The following NEDD9 variants were observed in gnomAD, a reference collection of about 807,000 sequenced individuals.
NEDD9 encodes the protein neural precursor cell expressed, developmentally down-regulated 9, also known as enhancer of filamentation 1.
A neutral mutation model predicts 76.6 loss-of-function variants in NEDD9; 26 were observed. That is an observed-to-expected ratio of 0.34 (90% CI 0.25 to 0.47). The LOEUF is 0.47. NEDD9 is among the 20% of genes least tolerant of loss of function. The pLI is 1.00. For synonymous variants in NEDD9, 392 were observed against 414.2 expected (o/e 0.95, Z 0.65); for missense variants, 937 against 1,058.5 (o/e 0.89, Z 1.59).
intron 3 of NEDD9, among the ~76,000 whole-genome samples, chr6:11,280,724 G>A (rs576770152): frequency 9.8e-5 from 15 of 152,374 alleles, no homozygotes; most frequent in African/African-American, 3.6e-4. Context: ...CCTGTTGGGG[G>A]CCCCACGCTT....
intron 1 of NEDD9, among the ~76,000 whole-genome samples, chr6:11,216,486 G>T (rs532301255): frequency 6.6e-6 from 1 of 152,200 alleles, no homozygotes; most frequent in Non-Finnish European, 1.5e-5. Flanking sequence ...GATGGAAAGA[G>T]AATTGCGTTC....
At chr6:11,327,333 T>A (rs1186689611) in intron 2 of NEDD9, among the ~76,000 whole-genome samples, 2 of 152,230 alleles carry the variant, frequency 1.3e-5, no homozygotes, top group African/African-American at 4.8e-5. Flanking sequence ...GAGTGCAAGT[T>A]CTGTCAATCA....
At chr6:11,336,667 C>T (rs1169458588) in intron 1 of NEDD9, among the ~76,000 whole-genome samples, 1 of 152,206 alleles carries the variant, frequency 6.6e-6, no homozygotes, top group Non-Finnish European at 1.5e-5. Flanking sequence ...TACATTTAGG[C>T]TACACTACAT....
chr6:11,336,123 C>T (rs750251442), intron 1 of NEDD9, among the ~76,000 whole-genome samples: 1 of 152,326 alleles, frequency 6.6e-6, no homozygotes, highest in Admixed American at 6.5e-5. Flanking sequence ...ACAGTCATCT[C>T]TTATGACACT....
chr6:11,329,136 G>A (rs1761985005), intron 2 of NEDD9, among the ~76,000 whole-genome samples: 1 of 152,204 alleles, frequency 6.6e-6, no homozygotes, highest in Non-Finnish European at 1.5e-5. Context: ...CCTCAAGAGG[G>A]CCCTAAGACA....
chr6:11,332,096 A>G (rs1205064612), intron 2 of NEDD9, among the ~76,000 whole-genome samples: 1 of 152,262 alleles, frequency 6.6e-6, no homozygotes. Context: ...TTAGAAAAAA[A>G]TGTTGGTAAC....
At chr6:11,189,922 A>C (rs781110111) in intron 5 of NEDD9, 42 bp downstream of exon 5, 1 of 1,502,248 alleles carries the variant, frequency 6.7e-7, no homozygotes, top group East Asian at 2.3e-5. Flanking sequence ...GGCTCCCTGC[A>C]TGTGAGTGAG....
chr6:11,281,072 T>C, intron 3 of NEDD9, among the ~76,000 whole-genome samples: 1 of 152,258 alleles, frequency 6.6e-6, no homozygotes, highest in East Asian at 1.9e-4. Flanking sequence ...GGCTGAGAGA[T>C]AATGAATATT....
chr6:11,203,526 G>A (rs558677218), intron 2 of NEDD9, among the ~76,000 whole-genome samples: 8 of 152,236 alleles, frequency 5.3e-5, no homozygotes, highest in East Asian at 1.9e-4. Context: ...TGGCTGATGG[G>A]GCAAACCACT....
intron 3 of NEDD9, among the ~76,000 whole-genome samples, chr6:11,273,917 C>T (rs1384194014): frequency 6.6e-6 from 1 of 152,180 alleles, no homozygotes; most frequent in Non-Finnish European, 1.5e-5. Flanking sequence ...TTTCCCAAGT[C>T]GAGCAAAGAA....
Position 11,294,629 on chromosome 6 carries a change from A to C in NEDD9, c.12+11363T>G, listed in dbSNP as rs144220218. ...CTTTATAAATTACCCAGTCTTAGGT[A>C]GTTCTTTATAGCAATGTAAGAACGA... On this transcript the variant is annotated intron_variant, in intron 3 of 3. Transcript: ENST00000397378. 2.3e-3 allele frequency among the ~76,000 whole-genome samples: 357 copies of C among 152,316 alleles called. 1 individual carries two copies. Among genetic ancestry groups the C allele is most frequent in the Non-Finnish European group, 4.3e-3 (290 of 68,024 alleles).
intron 1 of NEDD9, among the ~76,000 whole-genome samples, chr6:11,216,046 T>C (rs9468656): frequency 0.85 from 128,939 of 152,090 alleles, 54,666 homozygotes; most frequent in South Asian, 0.89. Context: ...GGTGAGCAGC[T>C]GGCTAATGTT....
intron 2 of NEDD9, among the ~76,000 whole-genome samples, chr6:11,319,705 C>G (rs201943071): frequency 0.015 from 2,278 of 149,132 alleles, 27 homozygotes; most frequent in East Asian, 0.033. Context: ...CACAAACATG[C>G]ACACACAAAC....
chr6:11,356,960 T>G (rs1200230564), intron 1 of NEDD9, among the ~76,000 whole-genome samples: 1 of 152,162 alleles, frequency 6.6e-6, no homozygotes, highest in Non-Finnish European at 1.5e-5. Flanking sequence ...TTTCCTGCTC[T>G]CAGCTTTAGA....
intron 2 of NEDD9, among the ~76,000 whole-genome samples, chr6:11,313,064 G>T (rs1306200589): frequency 6.6e-6 from 1 of 152,162 alleles, no homozygotes; most frequent in Non-Finnish European, 1.5e-5. Context: ...TTTGTGAAGT[G>T]GATGGATGGA....
intron 1 of NEDD9, among the ~76,000 whole-genome samples, chr6:11,336,261 C>T (rs373285348): frequency 3.3e-5 from 5 of 152,180 alleles, no homozygotes; most frequent in Non-Finnish European, 5.9e-5. Context: ...ACGATGGGGA[C>T]GTGTTCTGAG....
At chr6:11,321,360 G>A (rs904055132) in intron 2 of NEDD9, among the ~76,000 whole-genome samples, 2 of 152,112 alleles carry the variant, frequency 1.3e-5, no homozygotes, top group East Asian at 1.9e-4. Flanking sequence ...AATTCCCTGC[G>A]CATAGTGTGA....
chr6:11,206,328 AG>A (rs2113746021), intron 2 of NEDD9, among the ~76,000 whole-genome samples: 1 of 152,236 alleles, frequency 6.6e-6, no homozygotes, highest in East Asian at 1.9e-4. Context: ...CGGAGACAGG[AG>A]AATCGCTTGA....
chr6:11,274,539 C>A (rs1760378578), intron 3 of NEDD9, among the ~76,000 whole-genome samples: 1 of 152,222 alleles, frequency 6.6e-6, no homozygotes, highest in Admixed American at 6.5e-5. Context: ...ATTCAATCAA[C>A]TCGTTAATCC....
Sources: allele counts gnomAD v4.1 joint callset (sites outside exome capture counted in the v4.1 genomes callset), GRCh38; gene constraint gnomAD v4.1.1; transcripts MANE v1.5; gene names NCBI Gene and HGNC (gene_info 2026-07-23, HGNC 2026-07-21).